The following NAV2 variants were observed in gnomAD, a reference collection of about 807,000 sequenced individuals.
The protein encoded by NAV2 is neuron navigator 2.
Under a neutral mutation model 223.2 loss-of-function variants are expected in NAV2, and 54 were observed. The observed-to-expected ratio is 0.24, with a 90% CI of 0.19 to 0.30. NAV2 has a LOEUF of 0.30. Among genes scored for constraint, NAV2 ranks in the 10% least tolerant of loss-of-function variants. NAV2 has a pLI of 1.00. For missense variants in NAV2, 2,806 were observed against 3,147.5 expected (o/e 0.89, Z 2.60); for synonymous variants, 1,279 against 1,239.3 (o/e 1.03, Z -0.67).
chr11:19,563,471 T>G (rs1046228980), intron 1 of NAV2, among the ~76,000 whole-genome samples: 1 of 147,366 alleles, frequency 6.8e-6, no homozygotes, highest in African/African-American at 2.5e-5. Flanking sequence ...CTGTAACAAC[T>G]GTAAAGTAAA....
At chr11:19,735,111 C>T (rs1294140997) in intron 1 of NAV2, among the ~76,000 whole-genome samples, 3 of 152,146 alleles carry the variant, frequency 2.0e-5, no homozygotes, top group Non-Finnish European at 4.4e-5. Flanking sequence ...GTGCTGAGCC[C>T]AGGACATATC....
intron 11 of NAV2, among the ~76,000 whole-genome samples, chr11:20,031,870 T>C (rs2055789389): frequency 6.6e-6 from 1 of 152,206 alleles, no homozygotes; most frequent in Non-Finnish European, 1.5e-5. Context: ...AAAATGTTGA[T>C]GTACTGTTTA....
At chr11:19,838,115 TG>T (rs2060326050) in intron 2 of NAV2, among the ~76,000 whole-genome samples, 1 of 152,174 alleles carries the variant, frequency 6.6e-6, no homozygotes, top group Non-Finnish European at 1.5e-5. Flanking sequence ...GTGACTTTTC[TG>T]TAAGTTTGAA....
intron 5 of NAV2, chr11:19,884,153 T>A: frequency 1.7e-6 from 1 of 595,410 alleles, no homozygotes; most frequent in Non-Finnish European, 3.0e-6. Context: ...GAAAGAAAGC[T>A]GTGTGTCATA....
At chr11:19,563,877 A>G (rs183064763) in intron 1 of NAV2, among the ~76,000 whole-genome samples, 302 of 152,358 alleles carry the variant, frequency 2.0e-3, no homozygotes, top group African/African-American at 7.0e-3. Flanking sequence ...AAGGGAGGTA[A>G]AGCAGGAAAA....
At chr11:19,789,232 C>T (rs1311428284) in intron 1 of NAV2, among the ~76,000 whole-genome samples, 3 of 152,168 alleles carry the variant, frequency 2.0e-5, no homozygotes, top group Non-Finnish European at 1.5e-5. Flanking sequence ...ACTGTTAGTA[C>T]ACTGCCTACT....
chr11:20,057,088 G>T (rs1346565027), intron 19 of NAV2, among the ~76,000 whole-genome samples: 1 of 152,192 alleles, frequency 6.6e-6, no homozygotes. Flanking sequence ...TTGTCCCTTT[G>T]TTGCCATTGA....
chr11:19,400,354 G>C (rs914074838), intron 1 of NAV2, among the ~76,000 whole-genome samples: 1 of 152,174 alleles, frequency 6.6e-6, no homozygotes, highest in African/African-American at 2.4e-5. Flanking sequence ...CAATTCCGAA[G>C]GTCCTAACCG....
At chr11:19,643,080 G>A (rs2047710304) in intron 1 of NAV2, among the ~76,000 whole-genome samples, 2 of 152,134 alleles carry the variant, frequency 1.3e-5, no homozygotes, top group African/African-American at 4.8e-5. Context: ...TGCATACAGG[G>A]GGAATCACTA....
At chr11:19,854,616 T>TA (rs1196981551) in intron 3 of NAV2, among the ~76,000 whole-genome samples, 1 of 152,170 alleles carries the variant, frequency 6.6e-6, no homozygotes, top group Non-Finnish European at 1.5e-5. Context: ...GTTACCTGCC[T>TA]ATCCCCCTGC....
chr11:19,869,379 G>A (rs1364808720), intron 4 of NAV2, among the ~76,000 whole-genome samples: 1 of 152,092 alleles, frequency 6.6e-6, no homozygotes, highest in Non-Finnish European at 1.5e-5. Flanking sequence ...CAGTTCCCGG[G>A]GAAAAATGCT....
At chr11:19,387,818 A>G (rs1461545502) in intron 1 of NAV2, among the ~76,000 whole-genome samples, 1 of 152,138 alleles carries the variant, frequency 6.6e-6, no homozygotes, top group African/African-American at 2.4e-5. Context: ...ATTTAAAAGT[A>G]GCATTTACAG....
At chr11:19,497,996 C>T (rs1252569043) in intron 1 of NAV2, among the ~76,000 whole-genome samples, 1 of 152,134 alleles carries the variant, frequency 6.6e-6, no homozygotes, top group Non-Finnish European at 1.5e-5. Context: ...TTGTCATCGT[C>T]GTAATTTCAC....
intron 8 of NAV2, among the ~76,000 whole-genome samples, chr11:19,943,500 G>A (rs923022875): frequency 6.6e-6 from 1 of 152,072 alleles, no homozygotes; most frequent in Non-Finnish European, 1.5e-5. Flanking sequence ...GAAATCATGG[G>A]TATATCATTT....
chr11:19,486,646 C>T (rs114627931), intron 1 of NAV2, among the ~76,000 whole-genome samples: 104 of 152,300 alleles, frequency 6.8e-4, no homozygotes, highest in Middle Eastern at 6.8e-3. Context: ...TTTCCTGAGG[C>T]CTCCCCAAAC....
chr11:19,767,309 C>T (rs937051864), intron 1 of NAV2, among the ~76,000 whole-genome samples: 1 of 152,192 alleles, frequency 6.6e-6, no homozygotes, highest in Non-Finnish European at 1.5e-5. Flanking sequence ...ACATGTCAAA[C>T]TTCATCACAG....
At chr11:20,030,719 T>C (rs1009241168) in intron 11 of NAV2, among the ~76,000 whole-genome samples, 3 of 152,226 alleles carry the variant, frequency 2.0e-5, no homozygotes, top group Admixed American at 6.5e-5. Context: ...GCAAATCAAA[T>C]AAATTAGAGT....
chr11:20,088,751 A>G (rs1177752321), intron 26 of NAV2, among the ~76,000 whole-genome samples: 1 of 152,152 alleles, frequency 6.6e-6, no homozygotes, highest in African/African-American at 2.4e-5. Flanking sequence ...GGTGCAGATC[A>G]GGTGAAGATG....
At chr11:19,929,109 T>C (rs2045074087) in intron 6 of NAV2, among the ~76,000 whole-genome samples, 1 of 151,816 alleles carries the variant, frequency 6.6e-6, no homozygotes, top group African/African-American at 2.4e-5. Flanking sequence ...CACACACACA[T>C]ACACAAAAAT....
Sources: gnomAD v4.1 joint callset for allele counts (sites outside exome capture counted in the v4.1 genomes callset) on GRCh38, gnomAD v4.1.1 for gene constraint, MANE v1.5 for transcripts, NCBI Gene and HGNC (gene_info 2026-07-23, HGNC 2026-07-21) for gene names.